GSG1L: variants seen among roughly 807,000 people sequenced by gnomAD.
GSG1L encodes GSG1 like, also known as germ cell-specific gene 1-like protein.
In GSG1L, 24 loss-of-function variants were observed where a neutral mutation model predicts 42.1. That is an observed-to-expected ratio of 0.57 (90% CI 0.41 to 0.80). The LOEUF (loss-of-function observed/expected upper bound fraction) is 0.80. Ranked by LOEUF, GSG1L falls within the 30% of genes least tolerant of loss-of-function variation. GSG1L has a pLI of 0.00. For synonymous variants in GSG1L, 215 were observed against 203.5 expected, an observed-to-expected ratio of 1.06 and a Z score of -0.48; for missense variants, 445 against 472.2, an observed-to-expected ratio of 0.94 and a Z score of 0.53.
chr16:27,791,663 A>T lies in GSG1L; in HGVS notation c.899-196T>A, dbSNP rs545762341. Reference sequence around the variant, plus strand: ...TCCCTCCCCTGTCAGCCACCCAGTCACCCACCAGTTCACCAACACACCTGT... The same window carrying T: ...TCCCTCCCCTGTCAGCCACCCAGTCTCCCACCAGTTCACCAACACACCTGT... On this transcript the variant is annotated intron_variant, in intron 6 of 6. Transcript: ENST00000447459. Among the ~76,000 whole-genome samples the T allele has an allele frequency of 1.2e-4, 18 of 151,760 alleles. No individual in the cohort carries two copies. The South Asian group carries it at 3.8e-3, about 32-fold the overall frequency.
chr16:27,884,714 C>A lies in GSG1L; in HGVS notation c.398-76G>T. On this transcript the variant is annotated intron_variant, in intron 2 of 6. Transcript: ENST00000447459. The surrounding 1 kb of genome is among the most constrained non-coding windows in gnomAD (Gnocchi z 4.4). ...ACTCACCCTGTGCCTATTCCTCCCA[C>A]AACAGCAGAGGGTAGCAAGTCATTC... 1 of 1,402,426 alleles carries A rather than the reference C, an allele frequency of 7.1e-7. No individual in the cohort carries two copies. The highest frequency in any genetic ancestry group is 1.3e-5 in the South Asian group (1 of 74,242). 86.9% of individuals were successfully genotyped at this position (1,402,426 alleles called of 1,614,324 possible).
chr16:27,936,200 A>G (rs956773926), intron 2 of GSG1L, among the ~76,000 whole-genome samples: 1 of 151,882 alleles, frequency 6.6e-6, no homozygotes, highest in Non-Finnish European at 1.5e-5. Context: ...CCCACTTTAC[A>G]AGGAAGGGGA....
At chr16:28,000,660 C>T (rs975745812) in intron 1 of GSG1L, among the ~76,000 whole-genome samples, 7 of 152,030 alleles carry the variant, frequency 4.6e-5, no homozygotes, top group African/African-American at 7.2e-5. Flanking sequence ...TACCTCTTGC[C>T]GGACAAGCAG....
At chr16:28,005,003 C>T (rs1385782402) in intron 1 of GSG1L, among the ~76,000 whole-genome samples, 1 of 152,146 alleles carries the variant, frequency 6.6e-6, no homozygotes, top group Non-Finnish European at 1.5e-5. Context: ...AATAGGTGGC[C>T]TGAACACCAG....
At chr16:27,997,519 T>C (rs922632514) in intron 1 of GSG1L, among the ~76,000 whole-genome samples, 26 of 151,852 alleles carry the variant, frequency 1.7e-4, no homozygotes, top group African/African-American at 6.3e-4. Flanking sequence ...GTCAGGCCCA[T>C]TTGGATACTC....
intron 1 of GSG1L, among the ~76,000 whole-genome samples, chr16:28,006,601 G>T (rs1032897636): frequency 1.3e-5 from 2 of 152,116 alleles, no homozygotes; most frequent in Non-Finnish European, 2.9e-5. Flanking sequence ...GAGCCACCGC[G>T]CCTGCCCCAT....
At position 27,791,011 on chromosome 16, in the gene GSG1L, TG is replaced by T. The variant is rs1274345727; in HGVS notation, c.*358del. ...CCACTCTCTGCCCCCCAAAGGGCTCTGCCCCTCTGGGCACCTGACTGGCTTG... is the reference window on the plus strand; with the variant it reads ...CCACTCTCTGCCCCCCAAAGGGCTCTCCCCTCTGGGCACCTGACTGGCTTG... On this transcript the variant is annotated 3_prime_UTR_variant, in exon 7 of 7. Coordinates refer to ENST00000447459, the MANE Select transcript of GSG1L (RefSeq NM_001109763.2). The T allele has an allele frequency of 1.0e-4, 21 of 200,362 alleles. No individual in the cohort carries two copies. In the East Asian group the frequency reaches 2.0e-3, roughly 19 times the overall value. 12.4% of individuals were successfully genotyped at this position (200,362 alleles called of 1,614,324 possible).
chr16:27,883,004 A>G (rs1217720794), intron 3 of GSG1L, among the ~76,000 whole-genome samples: 1 of 151,498 alleles, frequency 6.6e-6, no homozygotes, highest in Non-Finnish European at 1.5e-5. Context: ...CTATAATCCC[A>G]GCTACTCAGG....
intron 2 of GSG1L, among the ~76,000 whole-genome samples, chr16:27,895,421 A>G (rs2084180010): frequency 6.6e-6 from 1 of 152,146 alleles, no homozygotes; most frequent in South Asian, 2.1e-4. Flanking sequence ...CTATACGACG[A>G]AATCAGTCAT....
chr16:28,015,019 C>T (rs1012150211), intron 1 of GSG1L, among the ~76,000 whole-genome samples: 2 of 152,242 alleles, frequency 1.3e-5, no homozygotes, highest in African/African-American at 4.8e-5. Flanking sequence ...TCCCATGTGG[C>T]TGGGACAGAG....
chr16:27,944,621 CA>C (rs34204819), intron 2 of GSG1L, among the ~76,000 whole-genome samples: 31,979 of 111,380 alleles, frequency 0.29, 3,813 homozygotes, highest in Middle Eastern at 0.42. Flanking sequence ...GACTCTGCCT[CA>C]AAAAAAAAAA....
At chr16:27,962,452 G>A (rs1378950816) in intron 2 of GSG1L, among the ~76,000 whole-genome samples, 13 of 152,248 alleles carry the variant, frequency 8.5e-5, no homozygotes, top group Admixed American at 8.5e-4. Flanking sequence ...CAGAGAGAGT[G>A]GCAGGGGCCA....
chr16:27,915,105 T>C (rs1329034103), intron 2 of GSG1L, among the ~76,000 whole-genome samples: 5 of 151,782 alleles, frequency 3.3e-5, no homozygotes, highest in East Asian at 3.9e-4. Flanking sequence ...CAAGCAGGTA[T>C]TGATCAGAGC....
At chr16:27,864,702 C>T (rs915554650) in intron 3 of GSG1L, among the ~76,000 whole-genome samples, 5 of 152,324 alleles carry the variant, frequency 3.3e-5, no homozygotes, top group Middle Eastern at 3.4e-3. Context: ...TGAGACCCAG[C>T]AGGCTTTGAT....
intron 2 of GSG1L, among the ~76,000 whole-genome samples, chr16:27,920,495 C>T (rs183680992): frequency 8.9e-4 from 135 of 152,332 alleles, no homozygotes; most frequent in African/African-American, 3.1e-3. Flanking sequence ...CTGCACAGCC[C>T]TCTCTCTTTT....
At chr16:27,927,995 A>C (rs72784116) in intron 2 of GSG1L, among the ~76,000 whole-genome samples, 31,044 of 152,062 alleles carry the variant, frequency 0.2, 3,424 homozygotes, top group East Asian at 0.32. Context: ...CTCATTGCTT[A>C]AGTCATTCTT....
At chr16:27,801,754 T>A (rs879360416) in intron 6 of GSG1L, among the ~76,000 whole-genome samples, 1 of 152,186 alleles carries the variant, frequency 6.6e-6, no homozygotes, top group Non-Finnish European at 1.5e-5. Context: ...GTGTGGGTGA[T>A]GAGGTCAGAC....
At chr16:27,806,686 C>T (rs1051957825) in intron 6 of GSG1L, among the ~76,000 whole-genome samples, 5 of 152,200 alleles carry the variant, frequency 3.3e-5, no homozygotes, top group Non-Finnish European at 7.3e-5. Context: ...CAGATAGATG[C>T]CACTGGAGCT....
intron 1 of GSG1L, among the ~76,000 whole-genome samples, chr16:28,024,854 G>A (rs1392039664): frequency 2.0e-5 from 3 of 152,228 alleles, no homozygotes; most frequent in African/African-American, 4.8e-5. Flanking sequence ...GCTGAGCAGG[G>A]CTGCATCGAG....
Sources: allele counts gnomAD v4.1 joint callset (sites outside exome capture counted in the v4.1 genomes callset), GRCh38; gene constraint gnomAD v4.1.1; non-coding constraint Gnocchi (gnomAD v3.1); transcripts MANE v1.5; gene names NCBI Gene and HGNC (gene_info 2026-07-23, HGNC 2026-07-21).